The following RBFOX1 variants were observed in gnomAD, a reference collection of about 807,000 sequenced individuals.
RBFOX1 encodes RNA binding fox-1 homolog 1, also known as RNA binding protein fox-1 homolog 1.
RBFOX1 carries 8 observed loss-of-function variants against 57.7 expected under a neutral mutation model. The ratio of observed to expected loss-of-function variants is 0.14; its 90% CI spans 0.08 to 0.25. RBFOX1 has a LOEUF of 0.25. RBFOX1 is among the 10% of genes least tolerant of loss of function. The pLI is 1.00. For missense variants in RBFOX1, 611 were observed against 548.5 expected (o/e 1.11, Z -1.14); for synonymous variants, 326 against 222.4 (o/e 1.47, Z -4.15).
chr16:6,206,928 G>A (rs992042037), intron 1 of RBFOX1, among the ~76,000 whole-genome samples: 10 of 150,968 alleles, frequency 6.6e-5, no homozygotes, highest in Admixed American at 5.9e-4. Context: ...CACATGGTGA[G>A]CACCTTGTAA....
intron 2 of RBFOX1, among the ~76,000 whole-genome samples, chr16:6,601,783 C>T (rs544921844): frequency 6.0e-4 from 92 of 152,256 alleles, no homozygotes; most frequent in African/African-American, 2.0e-3. Context: ...TTAACCAAAG[C>T]AAACAGGACC....
intron 4 of RBFOX1, among the ~76,000 whole-genome samples, chr16:7,238,634 C>T (rs1031527939): frequency 6.6e-6 from 1 of 152,144 alleles, no homozygotes; most frequent in Non-Finnish European, 1.5e-5. Flanking sequence ...TTCTTTCTCT[C>T]TTTTTTTGTA....
intron 3 of RBFOX1, among the ~76,000 whole-genome samples, chr16:6,893,369 A>C (rs1385679332): frequency 6.6e-6 from 1 of 152,212 alleles, no homozygotes; most frequent in Non-Finnish European, 1.5e-5. Flanking sequence ...TCACAAAAGC[A>C]CAAGATAAAA....
intron 3 of RBFOX1, among the ~76,000 whole-genome samples, chr16:6,956,659 T>G (rs2081912178): frequency 6.6e-6 from 1 of 152,232 alleles, no homozygotes; most frequent in African/African-American, 2.4e-5. Flanking sequence ...TGGCTGATGT[T>G]GCTCCAGTTA....
At chr16:5,747,050 T>C (rs1019265892) in intron 3 of RBFOX1, among the ~76,000 whole-genome samples, 5 of 152,150 alleles carry the variant, frequency 3.3e-5, no homozygotes, top group Admixed American at 6.5e-5. Flanking sequence ...AGGATGGGAA[T>C]GCATCCCATT....
chr16:6,093,781 C>G (rs978331474), intron 1 of RBFOX1, among the ~76,000 whole-genome samples: 2 of 151,050 alleles, frequency 1.3e-5, no homozygotes, highest in African/African-American at 4.9e-5. Context: ...TCCAGCATGC[C>G]CCACTCATTT....
intron 4 of RBFOX1, among the ~76,000 whole-genome samples, chr16:7,290,378 G>A (rs1018804650): frequency 6.6e-6 from 1 of 152,176 alleles, no homozygotes; most frequent in Non-Finnish European, 1.5e-5. Context: ...ATACTGAGAT[G>A]CAGAAGGTAA....
chr16:6,531,899 C>T (rs2096663089), intron 2 of RBFOX1, among the ~76,000 whole-genome samples: 8 of 152,142 alleles, frequency 5.3e-5, no homozygotes, highest in Admixed American at 5.2e-4. Flanking sequence ...GAACCAATTC[C>T]CCTTCTACAT....
intron 4 of RBFOX1, among the ~76,000 whole-genome samples, chr16:5,985,806 T>C (rs974056418): frequency 6.6e-6 from 1 of 152,158 alleles, no homozygotes; most frequent in Non-Finnish European, 1.5e-5. Flanking sequence ...ATGAAACATC[T>C]GGCTGCCTCT....
chr16:5,387,977 C>T (rs1046715104), intron 1 of RBFOX1, among the ~76,000 whole-genome samples: 2 of 152,060 alleles, frequency 1.3e-5, no homozygotes, highest in Non-Finnish European at 2.9e-5. Context: ...GAGGGGACCA[C>T]AAGCCAAGGA....
At chr16:7,371,228 T>G (rs1228062053) in intron 4 of RBFOX1, among the ~76,000 whole-genome samples, 1 of 152,170 alleles carries the variant, frequency 6.6e-6, no homozygotes, top group Admixed American at 6.5e-5. Context: ...GTTGTATGTG[T>G]CCCAGGAAGA....
Position 6,622,304 on chromosome 16 carries a change from C to G in RBFOX1, c.-63-32299C>G, listed in dbSNP as rs139350021. On this transcript the variant is annotated intron_variant, in intron 2 of 15. Transcript: ENST00000550418. Reference sequence around the variant, plus strand: ...TCCTATAAGATTATAATGGAATTGCCCTATACAGATGTATAATTTTTTATC... The same window carrying G: ...TCCTATAAGATTATAATGGAATTGCGCTATACAGATGTATAATTTTTTATC... Among the ~76,000 whole-genome samples, 27 of 152,166 alleles carry G rather than the reference C, an allele frequency of 1.8e-4. No individual in the cohort carries two copies. The East Asian group carries it at 5.2e-3, about 29-fold the overall frequency.
intron 2 of RBFOX1, among the ~76,000 whole-genome samples, chr16:6,435,382 C>A (rs1197852808): frequency 6.6e-6 from 1 of 151,356 alleles, no homozygotes; most frequent in Non-Finnish European, 1.5e-5. Flanking sequence ...CTCACTGCAG[C>A]CTCTGCCTCC....
chr16:7,551,812 G>A (rs1042548534), intron 5 of RBFOX1, among the ~76,000 whole-genome samples: 10 of 152,118 alleles, frequency 6.6e-5, no homozygotes, highest in Non-Finnish European at 1.2e-4. Context: ...AGACATTGGC[G>A]GTGTTTTTCT....
intron 3 of RBFOX1, among the ~76,000 whole-genome samples, chr16:6,995,519 C>A (rs552947001): frequency 6.6e-6 from 1 of 152,224 alleles, no homozygotes; most frequent in African/African-American, 2.4e-5. Flanking sequence ...AATCCCACTA[C>A]TTTGGGAGGC....
At chr16:5,843,726 C>T (rs2056683813) in intron 3 of RBFOX1, among the ~76,000 whole-genome samples, 2 of 152,196 alleles carry the variant, frequency 1.3e-5, no homozygotes, top group Admixed American at 6.5e-5. Context: ...GGTAAAATAA[C>T]TTGCTCCAAA....
chr16:5,892,978 A>G (rs899152567), intron 4 of RBFOX1, among the ~76,000 whole-genome samples: 13 of 152,172 alleles, frequency 8.5e-5, no homozygotes, highest in African/African-American at 2.9e-4. Context: ...TCCCAAGGGT[A>G]AAGAGGAGGA....
chr16:6,983,354 T>C (rs1338273514), intron 3 of RBFOX1, among the ~76,000 whole-genome samples: 1 of 152,046 alleles, frequency 6.6e-6, no homozygotes, highest in Admixed American at 6.6e-5. Context: ...TACAGAATTA[T>C]TGGTGGGGGG....
At chr16:5,778,908 A>G (rs1354021541) in intron 3 of RBFOX1, among the ~76,000 whole-genome samples, 3 of 152,190 alleles carry the variant, frequency 2.0e-5, no homozygotes, top group African/African-American at 4.8e-5. Flanking sequence ...AACGAAATAC[A>G]TGTTTATGTG....
Sources: gnomAD v4.1 joint callset for allele counts (sites outside exome capture counted in the v4.1 genomes callset) on GRCh38, gnomAD v4.1.1 for gene constraint, MANE v1.5 for transcripts, NCBI Gene and HGNC (gene_info 2026-07-23, HGNC 2026-07-21) for gene names.